Variants in TMCO4 observed in about 807,000 individuals in gnomAD.
TMCO4 encodes transmembrane and coiled-coil domains 4.
In TMCO4, 58 loss-of-function variants were observed where a neutral mutation model predicts 64.7. The observed-to-expected ratio is 0.90, with a 90% confidence interval of 0.73 to 1.12. The LOEUF (loss-of-function observed/expected upper bound fraction) is 1.12. Ranked by LOEUF, TMCO4 falls within the 50% of genes most tolerant of loss-of-function variation. The pLI is 0.00. For missense variants in TMCO4, 780 were observed against 825.9 expected, an observed-to-expected ratio of 0.94 and a Z score of 0.68; for synonymous variants, 325 against 346.1, an observed-to-expected ratio of 0.94 and a Z score of 0.68.
chr1:19,693,185 A>C (rs2095211799), intron 15 of TMCO4, among the ~76,000 whole-genome samples: 4 of 132,828 alleles, frequency 3.0e-5, no homozygotes, highest in Admixed American at 2.3e-4. Flanking sequence ...AAAAAAAAAA[A>C]AAAAAAAAAA....
intron 13 of TMCO4, among the ~76,000 whole-genome samples, chr1:19,723,052 T>G (rs1054590092): frequency 6.6e-6 from 1 of 152,156 alleles, no homozygotes; most frequent in Non-Finnish European, 1.5e-5. Flanking sequence ...TCCTCCCTCC[T>G]CTGAGCAAGG....
At chr1:19,692,858 G>A (rs12403918) in intron 15 of TMCO4, among the ~76,000 whole-genome samples, 29,931 of 151,748 alleles carry the variant, frequency 0.2, 3,385 homozygotes, top group African/African-American at 0.32. Flanking sequence ...GCAGGTGAAC[G>A]AGGTTCTTTC....
At chr1:19,700,283 C>A (rs745697284) in intron 14 of TMCO4, among the ~76,000 whole-genome samples, 2 of 152,126 alleles carry the variant, frequency 1.3e-5, no homozygotes, top group African/African-American at 4.8e-5. Context: ...TGCACGCTGG[C>A]GGCCTCCTGT....
Position 19,734,223 on chromosome 1 carries a change from G to C in TMCO4, c.1264+3149C>G, listed in dbSNP as rs1029516286. On this transcript the variant is annotated intron_variant, in intron 13 of 15. Coordinates refer to ENST00000294543, the MANE Select transcript of TMCO4 (RefSeq NM_181719.7). The surrounding 1 kb of genome is among the most constrained non-coding windows in gnomAD (Gnocchi z 4.4). ...CCCGGCATGTGAGGTGGAGAGAGGC[G>C]GGGGAAGGTGCTGAAGGCAGATCAT... is the stretch of plus-strand genomic sequence containing the variant. Among the ~76,000 whole-genome samples, 4 of 152,138 alleles carry C rather than the reference G, an allele frequency of 2.6e-5. No individual in the cohort carries two copies. Among genetic ancestry groups the C allele is most frequent in the African/African-American group, 4.8e-5 (2 of 41,428 alleles).
chr1:19,725,553 G>C (rs1468292225), intron 13 of TMCO4, among the ~76,000 whole-genome samples: 4 of 152,144 alleles, frequency 2.6e-5, no homozygotes, highest in Admixed American at 6.5e-5. Flanking sequence ...CTCAGATGCT[G>C]GCTGTTCCTG....
At position 19,683,461 on chromosome 1, in the gene TMCO4, G is replaced by A; in HGVS notation, c.1501-17C>T. On this transcript the variant is annotated splice_polypyrimidine_tract_variant and intron_variant, in intron 15 of 15. Transcript: ENST00000294543. ...GCCGCTGACCTGCAGGAGACAGTGA[G>A]TGAGCACCACCGTGGGTGTGCAGAG... 1.2e-6 allele frequency: 2 copies of A among 1,611,338 alleles called. No individual in the cohort carries two copies. The highest frequency in any genetic ancestry group is 1.7e-6 in the Non-Finnish European group (2 of 1,179,700).
chr1:19,779,905 G>A (rs1166352012), intron 4 of TMCO4, among the ~76,000 whole-genome samples: 1 of 152,178 alleles, frequency 6.6e-6, no homozygotes, highest in Non-Finnish European at 1.5e-5. Context: ...TACAGTAAGT[G>A]CTCAAAAAAT....
chr1:19,712,762 A>C (rs755915079), intron 13 of TMCO4, among the ~76,000 whole-genome samples: 4 of 152,266 alleles, frequency 2.6e-5, no homozygotes, highest in Non-Finnish European at 4.4e-5. Context: ...ACAGGGACAT[A>C]GAAGGCCATA....
intron 6 of TMCO4, among the ~76,000 whole-genome samples, chr1:19,758,215 A>G (rs2042349047): frequency 6.6e-6 from 1 of 151,820 alleles, no homozygotes; most frequent in South Asian, 2.1e-4. Flanking sequence ...CCCAGAGTGA[A>G]ACAGGGTCTC....
intron 2 of TMCO4, among the ~76,000 whole-genome samples, chr1:19,792,008 T>A (rs1204620476): frequency 6.6e-6 from 1 of 152,206 alleles, no homozygotes; most frequent in African/African-American, 2.4e-5. Context: ...ATCTGATGAC[T>A]TTTCGCTCGG....
intron 15 of TMCO4, among the ~76,000 whole-genome samples, chr1:19,687,474 A>G (rs2095158546): frequency 6.6e-6 from 1 of 152,304 alleles, no homozygotes; most frequent in African/African-American, 2.4e-5. Context: ...CAAACCATGA[A>G]GCACAGTGCC....
chr1:19,699,640 G>A (rs920205524), intron 14 of TMCO4, among the ~76,000 whole-genome samples: 3 of 151,854 alleles, frequency 2.0e-5, no homozygotes, highest in Non-Finnish European at 2.9e-5. Flanking sequence ...TGCAACCTCC[G>A]CCTCCCAGGT....
chr1:19,698,025 C>T (rs2095248159), intron 14 of TMCO4, among the ~76,000 whole-genome samples: 1 of 152,112 alleles, frequency 6.6e-6, no homozygotes, highest in African/African-American at 2.4e-5. Flanking sequence ...CAGAGAGCTC[C>T]CTGAGGGCAG....
chr1:19,704,822 C>G (rs1338072416), intron 13 of TMCO4, among the ~76,000 whole-genome samples: 1 of 152,212 alleles, frequency 6.6e-6, no homozygotes, highest in Non-Finnish European at 1.5e-5. Context: ...TGACCTTGAA[C>G]TGAGACTCGT....
intron 13 of TMCO4, among the ~76,000 whole-genome samples, chr1:19,713,201 A>C (rs1240171632): frequency 1.3e-5 from 2 of 152,142 alleles, no homozygotes; most frequent in Non-Finnish European, 2.9e-5. Flanking sequence ...GAGGGGTTTC[A>C]AGGTCACATT....
At chr1:19,685,714 T>TTTTTTC (rs2095142981) in intron 15 of TMCO4, among the ~76,000 whole-genome samples, 1 of 89,442 alleles carries the variant, frequency 1.1e-5, no homozygotes, top group South Asian at 3.9e-4. Flanking sequence ...CTGTTTCTTT[T>TTTTTTC]TTTTTTTTTT....
At chr1:19,697,095 C>T (rs531467149) in intron 14 of TMCO4, among the ~76,000 whole-genome samples, 1 of 152,206 alleles carries the variant, frequency 6.6e-6, no homozygotes, top group African/African-American at 2.4e-5. Context: ...CAGGGAGCCG[C>T]GGGCATGACT....
intron 13 of TMCO4, among the ~76,000 whole-genome samples, chr1:19,735,872 G>T (rs2095451870): frequency 6.6e-6 from 1 of 152,178 alleles, no homozygotes; most frequent in Non-Finnish European, 1.5e-5. Context: ...GACAAGGAAA[G>T]AAGCAAAATG....
intron 13 of TMCO4, 163 bp from the exon 14 acceptor site, chr1:19,701,048 G>A (rs1186950656): frequency 4.7e-5 from 28 of 601,504 alleles, no homozygotes; most frequent in South Asian, 2.9e-4. Flanking sequence ...ATGCAAACAC[G>A]CAAACATGCA....
Sources: allele counts gnomAD v4.1 joint callset (sites outside exome capture counted in the v4.1 genomes callset), GRCh38; gene constraint gnomAD v4.1.1; non-coding constraint Gnocchi (gnomAD v3.1); transcripts MANE v1.5; gene names NCBI Gene and HGNC (gene_info 2026-07-23, HGNC 2026-07-21).